ELMO1: variants seen among roughly 807,000 people sequenced by gnomAD.
The protein encoded by ELMO1 is engulfment and cell motility 1.
ELMO1 carries 26 observed loss-of-function variants against 98.9 expected under a neutral mutation model. The observed-to-expected ratio is 0.26, with a 90% CI of 0.19 to 0.36. The LOEUF is 0.36. ELMO1 is among the 10% of genes least tolerant of loss of function. The pLI, the probability that ELMO1 is intolerant of heterozygous loss-of-function variation, is 1.00. For synonymous variants in ELMO1, 346 were observed against 346.0 expected (o/e 1.00, Z 0.00); for missense variants, 627 against 935.2 (o/e 0.67, Z 4.30).
At chr7:37,105,402 CGT>C (rs1784888136) in intron 14 of ELMO1, among the ~76,000 whole-genome samples, 2 of 152,208 alleles carry the variant, frequency 1.3e-5, no homozygotes, top group African/African-American at 4.8e-5. Context: ...TATGCCAGTA[CGT>C]GTGTTCCTGG....
chr7:36,879,173 G>A (rs1258294093), intron 18 of ELMO1, among the ~76,000 whole-genome samples: 1 of 152,230 alleles, frequency 6.6e-6, no homozygotes, highest in Non-Finnish European at 1.5e-5. Flanking sequence ...AGCCCTGACA[G>A]TGTGGAAGAG....
intron 5 of ELMO1, among the ~76,000 whole-genome samples, chr7:37,264,125 C>T (rs543632059): frequency 6.6e-5 from 10 of 152,090 alleles, no homozygotes; most frequent in African/African-American, 1.4e-4. Flanking sequence ...ACAGCCAAGA[C>T]GCAAACATAT....
At chr7:37,208,392 G>A (rs1792758959) in intron 13 of ELMO1, among the ~76,000 whole-genome samples, 1 of 152,246 alleles carries the variant, frequency 6.6e-6, no homozygotes, top group Non-Finnish European at 1.5e-5. Flanking sequence ...TGTAATGCTT[G>A]CTGGGCATTG....
chr7:36,938,083 C>T (rs1786704832), intron 16 of ELMO1, among the ~76,000 whole-genome samples: 1 of 152,214 alleles, frequency 6.6e-6, no homozygotes, highest in South Asian at 2.1e-4. Flanking sequence ...CTAAAATATA[C>T]TGACTGCTGC....
chr7:37,243,903 AC>A (rs1794873679), intron 7 of ELMO1, among the ~76,000 whole-genome samples: 1 of 152,180 alleles, frequency 6.6e-6, no homozygotes, highest in Non-Finnish European at 1.5e-5. Flanking sequence ...ACTTTCTCAG[AC>A]TCAAAGTAAA....
At chr7:37,427,082 A>G (rs1158048734) in intron 1 of ELMO1, among the ~76,000 whole-genome samples, 1 of 152,142 alleles carries the variant, frequency 6.6e-6, no homozygotes, top group Non-Finnish European at 1.5e-5. Flanking sequence ...CTAAGACAAT[A>G]CAGTAGTTCA....
chr7:36,993,070 C>T (rs1000534378), intron 16 of ELMO1, among the ~76,000 whole-genome samples: 7 of 152,122 alleles, frequency 4.6e-5, no homozygotes, highest in Non-Finnish European at 1.0e-4. Context: ...GCAGACTCAG[C>T]TTACCCTGGC....
At chr7:37,375,811 A>C (rs1583648805) in intron 1 of ELMO1, 2 of 848,348 alleles carry the variant, frequency 2.4e-6, no homozygotes, top group African/African-American at 1.7e-5. Flanking sequence ...TGTACACTGC[A>C]GCCGTCCAGA....
At chr7:37,253,551 G>A (rs1425193332) in intron 6 of ELMO1, among the ~76,000 whole-genome samples, 2 of 152,036 alleles carry the variant, frequency 1.3e-5, no homozygotes, top group African/African-American at 4.8e-5. Flanking sequence ...CACAGGGCGG[G>A]GAACATCACA....
chr7:37,099,288 T>C (rs758189899), intron 14 of ELMO1, among the ~76,000 whole-genome samples: 8 of 152,222 alleles, frequency 5.3e-5, no homozygotes, highest in Non-Finnish European at 1.2e-4. Flanking sequence ...TACAAAAATA[T>C]TGTAGAAAAG....
At chr7:37,158,930 A>T (rs1340976140) in intron 13 of ELMO1, among the ~76,000 whole-genome samples, 1 of 152,228 alleles carries the variant, frequency 6.6e-6, no homozygotes, top group Non-Finnish European at 1.5e-5. Flanking sequence ...TAGACTGGAT[A>T]ATGAAAATGT....
chr7:37,018,541 A>G (rs1794084747), intron 15 of ELMO1, among the ~76,000 whole-genome samples: 1 of 151,164 alleles, frequency 6.6e-6, no homozygotes, highest in Non-Finnish European at 1.5e-5. Context: ...CAAAGGTGCA[A>G]TCGTGGCTCA....
At chr7:37,080,515 G>A (rs1325126381) in intron 15 of ELMO1, among the ~76,000 whole-genome samples, 5 of 145,590 alleles carry the variant, frequency 3.4e-5, no homozygotes, top group Non-Finnish European at 7.4e-5. Flanking sequence ...TCAGTTCACT[G>A]CCATCTCTGC....
intron 2 of ELMO1, among the ~76,000 whole-genome samples, chr7:37,336,520 G>A (rs1441578350): frequency 6.6e-6 from 1 of 152,202 alleles, no homozygotes; most frequent in Non-Finnish European, 1.5e-5. Context: ...AAGACAAAGA[G>A]TGTCGACAGT....
At chr7:37,196,447 G>A (rs1050724563) in intron 13 of ELMO1, among the ~76,000 whole-genome samples, 7 of 152,282 alleles carry the variant, frequency 4.6e-5, no homozygotes, top group Admixed American at 6.5e-5. Flanking sequence ...CAGGAAGGAC[G>A]ATGCTCTGTG....
chr7:37,244,425 TA>T, intron 6 of ELMO1, 34 bp from the exon 7 acceptor site: 1 of 1,606,696 alleles, frequency 6.2e-7, no homozygotes, highest in Non-Finnish European at 8.5e-7. Flanking sequence ...GTGAGGAGCA[TA>T]CTTAAAAGCA....
At chr7:37,331,672 CCA>C (rs1800133087) in intron 2 of ELMO1, among the ~76,000 whole-genome samples, 1 of 152,146 alleles carries the variant, frequency 6.6e-6, no homozygotes, top group East Asian at 1.9e-4. Flanking sequence ...GTGTACTCCT[CCA>C]CACTGACCAG....
intron 7 of ELMO1, among the ~76,000 whole-genome samples, chr7:37,234,979 AAT>A (rs1407818935): frequency 8.5e-5 from 13 of 152,338 alleles, no homozygotes; most frequent in African/African-American, 2.9e-4. Context: ...AAAAGCAGCT[AAT>A]ATCTCTGGCT....
intron 15 of ELMO1, among the ~76,000 whole-genome samples, chr7:37,032,346 C>T (rs1794928274): frequency 6.6e-6 from 1 of 152,116 alleles, no homozygotes; most frequent in Non-Finnish European, 1.5e-5. Flanking sequence ...CTTAAAGCAC[C>T]TTTCATCAGA....
Sources: allele counts gnomAD v4.1 joint callset (sites outside exome capture counted in the v4.1 genomes callset), GRCh38; gene constraint gnomAD v4.1.1; transcripts MANE v1.5; gene names NCBI Gene and HGNC (gene_info 2026-07-23, HGNC 2026-07-21).